The following EPAS1 variants were observed in gnomAD, a reference collection of about 807,000 sequenced individuals.
EPAS1 encodes endothelial PAS domain protein 1.
A neutral mutation model predicts 87.9 loss-of-function variants in EPAS1; 23 were observed. That is an observed-to-expected ratio of 0.26 (90% CI 0.19 to 0.37). The LOEUF (loss-of-function observed/expected upper bound fraction) is 0.37, where lower values mean the gene tolerates loss of function less well. Among genes scored for constraint, EPAS1 ranks in the 10% least tolerant of loss-of-function variants. The probability of loss-of-function intolerance (pLI) is 1.00; values close to 1 mark genes in which losing one functional copy is unlikely to be tolerated. For synonymous variants in EPAS1, 508 were observed against 444.3 expected, an observed-to-expected ratio of 1.14 and a Z score of -1.80; for missense variants, 1,138 against 1,120.7, an observed-to-expected ratio of 1.02 and a Z score of -0.22.
rs1190418876 is a variant in EPAS1 at position 46,386,332 on chromosome 2, G to A, written c.*1672G>A. 6.6e-6 allele frequency: 1 copy of A among 152,580 alleles called. No individual in the cohort carries two copies. The highest frequency in any genetic ancestry group is 1.5e-5 in the Non-Finnish European group (1 of 68,036). The allele number at this position is 152,580 out of a possible 1,614,324, so 9.5% of individuals were successfully genotyped here. On this transcript the variant is annotated 3_prime_UTR_variant, in exon 16 of 16. Transcript: ENST00000263734. ...GACTTATTGCCAAAAACAAAAAATAGCTTTCAAAAGAAATTTAAGTTCTAT... is the reference window on the plus strand; with the variant it reads ...GACTTATTGCCAAAAACAAAAAATAACTTTCAAAAGAAATTTAAGTTCTAT...
chr2:46,316,715 G>C (rs996816653), intron 1 of EPAS1, among the ~76,000 whole-genome samples: 11 of 152,202 alleles, frequency 7.2e-5, no homozygotes, highest in Non-Finnish European at 1.3e-4. Context: ...GTTGCTGAAG[G>C]TTGGGGTGGC....
chr2:46,356,065 C>G lies in EPAS1; in HGVS notation c.218-86C>G, dbSNP rs113305438. 1.9e-3 allele frequency: 2,788 copies of G among 1,442,394 alleles called. 40 individuals are homozygous for G. In the African/African-American group the frequency reaches 0.036, roughly 18 times the overall value. The allele number at this position is 1,442,394 out of a possible 1,614,324, so 89.3% of individuals were successfully genotyped here. ...AAAAGTCCACCCAATGCCTTTGCAC[C>G]ATCCCTGGCAAATGCCTATCTGTGC... On this transcript the variant is annotated intron_variant, in intron 2 of 15. Transcript: ENST00000263734.
intron 1 of EPAS1, among the ~76,000 whole-genome samples, chr2:46,301,534 G>A (rs867834869): frequency 1.5e-4 from 22 of 150,116 alleles, no homozygotes; most frequent in Middle Eastern, 3.4e-3. Flanking sequence ...CGGAGATAGC[G>A]CTGCTGCACT....
chr2:46,327,603 A>G (rs1303973259), intron 1 of EPAS1, among the ~76,000 whole-genome samples: 1 of 152,258 alleles, frequency 6.6e-6, no homozygotes, highest in Admixed American at 6.5e-5. Flanking sequence ...ATAAGGTGGG[A>G]CAAAGTTTAT....
At chr2:46,313,347 T>C (rs1444233057) in intron 1 of EPAS1, among the ~76,000 whole-genome samples, 1 of 152,166 alleles carries the variant, frequency 6.6e-6, no homozygotes, top group Non-Finnish European at 1.5e-5. Context: ...AGCTTAAATA[T>C]CACCTCCCTA....
chr2:46,373,516 C>G (rs1219248113), intron 7 of EPAS1, among the ~76,000 whole-genome samples: 1 of 152,122 alleles, frequency 6.6e-6, no homozygotes, highest in East Asian at 1.9e-4. Context: ...TGTAGAGAAG[C>G]CAGACACAAG....
At chr2:46,344,964 G>A (rs1683992667) in intron 1 of EPAS1, among the ~76,000 whole-genome samples, 1 of 152,178 alleles carries the variant, frequency 6.6e-6, no homozygotes, top group Non-Finnish European at 1.5e-5. Flanking sequence ...GATTTGAGAG[G>A]CATGCTCACA....
chr2:46,377,977 C>T lies in EPAS1; in HGVS notation c.1333C>T (p.His445Tyr). ...SQPWATELRS[H>Y]STQSEAGSLP... ...GCCATGGGCCACGGAGTTGAGGAGC[C>T]ACAGCACCCAGAGCGAGGCTGGGAG... Residue 445 changes from histidine (H) to tyrosine (Y), a missense_variant, in exon 10 of 16, where the codon CAC becomes TAC. Physicochemically the swap from His to Tyr is moderately conservative, Grantham distance 83. This residue lies in a region of EPAS1 where 284 missense variants were observed against 258.4 expected (regional missense o/e 1.10). Transcript: ENST00000263734. The T allele has an allele frequency of 6.4e-7, 1 of 1,573,288 alleles. No homozygotes were observed. The highest frequency in any genetic ancestry group is 8.6e-7 in the Non-Finnish European group (1 of 1,158,800).
intron 6 of EPAS1, among the ~76,000 whole-genome samples, chr2:46,368,271 C>G (rs1013547955): frequency 6.6e-6 from 1 of 152,042 alleles, no homozygotes; most frequent in Admixed American, 6.6e-5. Flanking sequence ...TTTAGCTGGT[C>G]CTGGAGGTGT....
rs200331105 is a variant in EPAS1 at position 46,376,639 on chromosome 2, A to G, written c.1135A>G (p.Lys379Glu). 2.3e-5 allele frequency: 37 copies of G among 1,614,176 alleles called. No individual in the cohort carries two copies. Among genetic ancestry groups the G allele is most frequent in the Non-Finnish European group, 1.7e-6 (2 of 1,180,028 alleles). Residue 379 changes from lysine to glutamate, a missense_variant, in exon 9 of 16, where the codon AAG (lysine) becomes GAG (glutamate). This residue lies in a region of EPAS1 where 284 missense variants were observed against 258.4 expected (regional missense o/e 1.10). Transcript: ENST00000263734. ...AMNSIFDSSG[K>E]GAVSEKSNFL... Reference sequence around the variant, plus strand: ...GAACAGCATCTTTGATAGCAGTGGCAAGGGGGCTGTGTCTGAGAAGAGTAA... The same window carrying G: ...GAACAGCATCTTTGATAGCAGTGGCGAGGGGGCTGTGTCTGAGAAGAGTAA...
chr2:46,376,040 TTTTTTTCTGCGCTTTCCCTGGCA>T (rs1189159422), intron 8 of EPAS1, among the ~76,000 whole-genome samples: 1 of 152,180 alleles, frequency 6.6e-6, no homozygotes, highest in African/African-American at 2.4e-5. Context: ...GGTTGGGATT[TTTTTTTCTGCGCTTTCCCTGGCA>T]TCTGTCATTT....
At chr2:46,377,410 G>T (rs975012781) in intron 9 of EPAS1, among the ~76,000 whole-genome samples, 1 of 152,224 alleles carries the variant, frequency 6.6e-6, no homozygotes, top group Non-Finnish European at 1.5e-5. Flanking sequence ...GTGGCTGCCG[G>T]AAGAGTGGTG....
At chr2:46,353,597 A>AT (rs1684213387) in intron 2 of EPAS1, among the ~76,000 whole-genome samples, 1 of 152,140 alleles carries the variant, frequency 6.6e-6, no homozygotes, top group Non-Finnish European at 1.5e-5. Flanking sequence ...GAGTTAAGTC[A>AT]TTTTCTCCCC....
chr2:46,370,077 G>A, intron 7 of EPAS1, 144 bp downstream of exon 7: 1 of 734,750 alleles, frequency 1.4e-6, no homozygotes, highest in African/African-American at 1.7e-5. Flanking sequence ...ATGCCCTCAA[G>A]ATGGTTAGAA....
chr2:46,356,558 C>T (rs1684275846), intron 3 of EPAS1, among the ~76,000 whole-genome samples, 166 bp from the exon 4 acceptor site: 1 of 152,142 alleles, frequency 6.6e-6, no homozygotes, highest in African/African-American at 2.4e-5. Context: ...ATCAGTAGTC[C>T]CCGATTACAT....
intron 1 of EPAS1, among the ~76,000 whole-genome samples, chr2:46,342,009 C>T (rs569138186): frequency 4.6e-5 from 7 of 152,282 alleles, no homozygotes; most frequent in Admixed American, 2.0e-4. Context: ...CCCATCCATC[C>T]TTCCTTTAAA....
chr2:46,342,641 C>G (rs978940735), intron 1 of EPAS1, among the ~76,000 whole-genome samples: 2 of 152,202 alleles, frequency 1.3e-5, no homozygotes, highest in African/African-American at 4.8e-5. Flanking sequence ...GGGCCTCACT[C>G]CAGGCTGTGT....
rs753130534 is a variant in EPAS1 at position 46,375,647 on chromosome 2, CT to C, written c.887-42del. On this transcript the variant is annotated intron_variant, in intron 7 of 15. Coordinates refer to ENST00000263734, the MANE Select transcript of EPAS1 (RefSeq NM_001430.5). This position sits in a 1 kb window ranked among gnomAD's most constrained non-coding sequence, Gnocchi z 4.1. The stretch of plus-strand genomic sequence containing the variant: ...TCTGCTGAGCCTGTGGTGCACACCC[CT>C]GCCCCACCTCCCTAAGCTCAGCTCT... 7 of 1,603,606 alleles carry C rather than the reference CT, an allele frequency of 4.4e-6. No individual in the cohort carries two copies. Among genetic ancestry groups the C allele is most frequent in the Non-Finnish European group, 6.0e-6 (7 of 1,174,738 alleles).
chr2:46,301,474 G>T (rs1389397414), intron 1 of EPAS1, among the ~76,000 whole-genome samples: 1 of 151,916 alleles, frequency 6.6e-6, no homozygotes, highest in Non-Finnish European at 1.5e-5. Flanking sequence ...CTATTCTGGA[G>T]GCTGAGGCAG....
Sources: allele counts gnomAD v4.1 joint callset (sites outside exome capture counted in the v4.1 genomes callset), GRCh38; gene constraint gnomAD v4.1.1; regional missense constraint gnomAD v4.1.1; non-coding constraint Gnocchi (gnomAD v3.1); transcripts MANE v1.5; gene names NCBI Gene and HGNC (gene_info 2026-07-23, HGNC 2026-07-21).